PTPRM: variants seen among roughly 807,000 people sequenced by gnomAD.
The protein encoded by PTPRM is receptor-type tyrosine-protein phosphatase mu.
In PTPRM, 47 loss-of-function variants were observed where a neutral mutation model predicts 186.7. The observed-to-expected ratio is 0.25, with a 90% CI of 0.20 to 0.32. The LOEUF is 0.32. Ranked by LOEUF, PTPRM falls within the 10% of genes least tolerant of loss-of-function variation. PTPRM has a pLI of 1.00. For missense variants in PTPRM, 1,494 were observed against 1,865.0 expected (o/e 0.80, Z 3.66); for synonymous variants, 668 against 674.9 (o/e 0.99, Z 0.16).
chr18:8,119,498 CT>C (rs1416966835), intron 13 of PTPRM, among the ~76,000 whole-genome samples: 1 of 152,092 alleles, frequency 6.6e-6, no homozygotes, highest in Admixed American at 6.5e-5. Flanking sequence ...TGCTAATCTG[CT>C]GTTATTTAGG....
intron 7 of PTPRM, among the ~76,000 whole-genome samples, chr18:8,043,513 A>G (rs1040852573): frequency 6.6e-6 from 1 of 152,056 alleles, no homozygotes; most frequent in East Asian, 1.9e-4. Context: ...ATTAGAAATG[A>G]GACTTGAGTG....
chr18:7,588,397 T>C (rs1008414741), intron 1 of PTPRM, among the ~76,000 whole-genome samples: 3 of 152,172 alleles, frequency 2.0e-5, no homozygotes, highest in African/African-American at 7.2e-5. Flanking sequence ...TACTAACTTA[T>C]GAGGATTGAC....
At chr18:8,236,157 T>G (rs894768826) in intron 14 of PTPRM, among the ~76,000 whole-genome samples, 17 of 152,210 alleles carry the variant, frequency 1.1e-4, no homozygotes, top group African/African-American at 4.1e-4. Context: ...TGTCCATTAC[T>G]GACAGAGGGG....
At chr18:7,939,427 TC>T in intron 5 of PTPRM, among the ~76,000 whole-genome samples, 1 of 152,224 alleles carries the variant, frequency 6.6e-6, no homozygotes, top group Non-Finnish European at 1.5e-5. Flanking sequence ...TTAATATGTA[TC>T]TTTTGCTGGT....
At chr18:8,272,973 T>C (rs996777941) in intron 19 of PTPRM, among the ~76,000 whole-genome samples, 6 of 152,196 alleles carry the variant, frequency 3.9e-5, no homozygotes, top group African/African-American at 1.2e-4. Flanking sequence ...TTATCTTTAG[T>C]AATGTTTTTC....
intron 23 of PTPRM, among the ~76,000 whole-genome samples, chr18:8,359,612 G>A (rs1004726034): frequency 3.9e-5 from 6 of 152,232 alleles, no homozygotes; most frequent in African/African-American, 1.4e-4. Context: ...GTGGTCACCT[G>A]CCTTTGTATC....
intron 1 of PTPRM, among the ~76,000 whole-genome samples, chr18:7,624,048 A>G (rs1049821967): frequency 2.6e-5 from 4 of 152,152 alleles, no homozygotes; most frequent in African/African-American, 9.7e-5. Flanking sequence ...CTGAAACTGG[A>G]TCAGGCGGTG....
At chr18:7,693,607 G>A (rs952266828) in intron 1 of PTPRM, among the ~76,000 whole-genome samples, 5 of 152,230 alleles carry the variant, frequency 3.3e-5, no homozygotes, top group African/African-American at 1.2e-4. Context: ...TGTGTGGCGT[G>A]TATACAAGTC....
chr18:7,891,097 C>A (rs1266720521), intron 3 of PTPRM, among the ~76,000 whole-genome samples: 3 of 144,696 alleles, frequency 2.1e-5, no homozygotes, highest in Non-Finnish European at 4.5e-5. Context: ...GGCAACATGG[C>A]GAAATCCAGT....
At chr18:7,990,203 C>A (rs1364844759) in intron 7 of PTPRM, among the ~76,000 whole-genome samples, 1 of 152,172 alleles carries the variant, frequency 6.6e-6, no homozygotes, top group African/African-American at 2.4e-5. Context: ...TGCACCCTGA[C>A]CACTCCTGAT....
chr18:7,806,902 G>C (rs531071118), intron 2 of PTPRM, among the ~76,000 whole-genome samples: 1 of 152,308 alleles, frequency 6.6e-6, no homozygotes, highest in Admixed American at 6.5e-5. Context: ...ACAAAACTTT[G>C]TTTTCTTTTT....
intron 1 of PTPRM, among the ~76,000 whole-genome samples, chr18:7,628,068 G>C (rs545844699): frequency 6.6e-6 from 1 of 152,216 alleles, no homozygotes; most frequent in East Asian, 1.9e-4. Context: ...AAAATATGTG[G>C]TGTGAACCTG....
In PTPRM at chr18:7,749,615, A is replaced by G. The variant is rs150984014; in HGVS notation, c.74-24534A>G. Among the ~76,000 whole-genome samples, 17 of 152,144 alleles carry G rather than the reference A, an allele frequency of 1.1e-4. No homozygotes were observed. The East Asian group carries it at 3.1e-3, about 28-fold the overall frequency. ...GGAAGGGTAATTAGAGTCTGGCCCCATTTGCTCCTGTCTGAGCCGATCAGT... is the reference window on the plus strand; with the variant it reads ...GGAAGGGTAATTAGAGTCTGGCCCCGTTTGCTCCTGTCTGAGCCGATCAGT... On this transcript the variant is annotated intron_variant, in intron 1 of 32. Transcript: ENST00000580170.
chr18:7,770,967 T>C (rs1446084), intron 1 of PTPRM, among the ~76,000 whole-genome samples: 71,249 of 151,692 alleles, frequency 0.47, 18,167 homozygotes, highest in East Asian at 0.85. Flanking sequence ...CATTCATAAG[T>C]CCCGAAAGAA....
At chr18:8,208,213 G>A (rs911260052) in intron 14 of PTPRM, among the ~76,000 whole-genome samples, 3 of 152,176 alleles carry the variant, frequency 2.0e-5, no homozygotes, top group South Asian at 2.1e-4. Context: ...TAGTGCAGGC[G>A]AGTTATCTAA....
intron 2 of PTPRM, among the ~76,000 whole-genome samples, chr18:7,877,024 C>T (rs1024098583): frequency 3.3e-5 from 5 of 151,946 alleles, no homozygotes; most frequent in South Asian, 2.1e-4. Flanking sequence ...GTGCTCAGCA[C>T]GTATTAAATA....
At chr18:7,992,785 C>T (rs1275330324) in intron 7 of PTPRM, among the ~76,000 whole-genome samples, 7 of 151,828 alleles carry the variant, frequency 4.6e-5, no homozygotes, top group Non-Finnish European at 1.0e-4. Context: ...CATCACCAAC[C>T]TTCAAAATAA....
intron 9 of PTPRM, among the ~76,000 whole-genome samples, chr18:8,081,752 G>C (rs1424287518): frequency 6.6e-6 from 1 of 152,092 alleles, no homozygotes; most frequent in Non-Finnish European, 1.5e-5. Context: ...TCTGAGATGG[G>C]GAAACCCATC....
At chr18:7,944,129 C>T (rs76627164) in intron 5 of PTPRM, among the ~76,000 whole-genome samples, 1,947 of 152,254 alleles carry the variant, frequency 0.013, 22 homozygotes, top group Non-Finnish European at 0.02. Context: ...TCTTCTACCC[C>T]TGGAAGATTT....
Sources: allele counts gnomAD v4.1 joint callset (sites outside exome capture counted in the v4.1 genomes callset), GRCh38; gene constraint gnomAD v4.1.1; transcripts MANE v1.5; gene names NCBI Gene and HGNC (gene_info 2026-07-23, HGNC 2026-07-21).